ST6GALNAC6: variants seen among roughly 807,000 people sequenced by gnomAD.
The protein encoded by ST6GALNAC6 is alpha-N-acetylgalactosaminide alpha-2,6-sialyltransferase 6.
A neutral mutation model predicts 34.3 loss-of-function variants in ST6GALNAC6; 19 were observed. The ratio of observed to expected loss-of-function variants is 0.55; its 90% confidence interval spans 0.39 to 0.81. The LOEUF (loss-of-function observed/expected upper bound fraction) is 0.81, where lower values mean the gene tolerates loss of function less well. Among genes scored for constraint, ST6GALNAC6 ranks in the 40% least tolerant of loss-of-function variants. The pLI is 0.00. For synonymous variants in ST6GALNAC6, 185 were observed against 182.1 expected (o/e 1.02, Z -0.13); for missense variants, 377 against 467.7 (o/e 0.81, Z 1.79).
At chr9:127,902,469 T>G (rs1042305974), upstream of ST6GALNAC6, among the ~76,000 whole-genome samples, 3 of 152,104 alleles carry the variant, frequency 2.0e-5, no homozygotes, top group Non-Finnish European at 2.9e-5. Context: ...CAGTGTTTAG[T>G]GTTAATAGTG....
At chr9:127,905,573 C>A (rs979942834), upstream of ST6GALNAC6, 4 of 353,980 alleles carry the variant, frequency 1.1e-5, no homozygotes. Flanking sequence ...CCTTGGACAC[C>A]CAGGATGAGG....
chr9:127,887,667 G>A, intron 5 of ST6GALNAC6, 76 bp from the exon 6 acceptor site: 2 of 1,194,746 alleles, frequency 1.7e-6, no homozygotes, highest in Non-Finnish European at 2.4e-6. Flanking sequence ...TCACCCACGT[G>A]GAGTTCCCTG....
intron 4 of ST6GALNAC6, 54 bp downstream of exon 4, chr9:127,894,458 A>G: frequency 6.3e-7 from 1 of 1,593,324 alleles, no homozygotes; most frequent in East Asian, 2.2e-5. Context: ...GAACAGGTGG[A>G]GGGAGTGGTG....
chr9:127,902,429 G>A (rs772231783), upstream of ST6GALNAC6, among the ~76,000 whole-genome samples: 56 of 152,182 alleles, frequency 3.7e-4, no homozygotes, highest in Middle Eastern at 3.4e-3. Flanking sequence ...CAAAGTGCTG[G>A]GATTACAGGT....
intron 4 of ST6GALNAC6, among the ~76,000 whole-genome samples, chr9:127,891,769 C>G (rs1423210774): frequency 2.2e-5 from 2 of 89,808 alleles, no homozygotes; most frequent in Non-Finnish European, 4.3e-5. Context: ...GGGGAGGGGA[C>G]AGAGAGGGGG....
rs1040717654 is a variant in ST6GALNAC6 at position 127,886,361 on chromosome 9, G to A, written c.*238C>T. 7.2e-6 allele frequency: 9 copies of A among 1,252,252 alleles called. No individual in the cohort carries two copies. Among genetic ancestry groups the A allele is most frequent in the South Asian group, 3.2e-5 (2 of 62,174 alleles). The allele number at this position is 1,252,252 out of a possible 1,614,324, so 77.6% of individuals were successfully genotyped here. ...CCCCCTCTACCCTGATTGACTGTGC[G>A]CAGACCCTGACTGCACAAGAAAGAC... On this transcript the variant is annotated 3_prime_UTR_variant, in exon 7 of 7. Coordinates refer to ENST00000373146, the MANE Select transcript of ST6GALNAC6 (RefSeq NM_013443.5).
In ST6GALNAC6 at chr9:127,898,976, G is replaced by A. The variant is rs1021241893; in HGVS notation, c.-30+527C>T. On this transcript the variant is annotated intron_variant, in intron 1 of 6. Coordinates refer to ENST00000373146, the MANE Select transcript of ST6GALNAC6 (RefSeq NM_013443.5). Reference sequence around the variant, plus strand: ...GCTGGACGTGCAGGCGAGCTGAGCGGGAGCCGAGGGTGGGGGCCACACCCT... The same window carrying A: ...GCTGGACGTGCAGGCGAGCTGAGCGAGAGCCGAGGGTGGGGGCCACACCCT... Among the ~76,000 whole-genome samples the A allele has an allele frequency of 2.6e-5, 4 of 152,246 alleles. No individual in the cohort carries two copies. The East Asian group carries it at 5.8e-4, about 22-fold the overall frequency.
At chr9:127,899,403 C>A in intron 1 of ST6GALNAC6, 100 bp downstream of exon 1, 1 of 659,478 alleles carries the variant, frequency 1.5e-6, no homozygotes, top group Non-Finnish European at 1.9e-6. Context: ...CATCCATCCC[C>A]ATCCCCGGCG....
rs201769800 is a variant in ST6GALNAC6, at chr9:127,891,070, T to C, written c.298-27A>G. The C allele has an allele frequency of 1.9e-6, 3 of 1,608,964 alleles. 1 individual carries two copies. Among genetic ancestry groups the C allele is most frequent in the Non-Finnish European group, 2.5e-6 (3 of 1,177,380 alleles). On this transcript the variant is annotated intron_variant, in intron 4 of 6. Transcript: ENST00000373146. ...TGGTGGATAAGGAAAGTCAACATTA[T>C]CACGGCCACTCTGTGCTGGCCCTGT...
intron 1 of ST6GALNAC6, 118 bp downstream of exon 1, chr9:127,899,385 G>A (rs1289780779): frequency 1.8e-6 from 1 of 565,602 alleles, no homozygotes; most frequent in African/African-American, 2.0e-5. Context: ...GTGCCGCCGG[G>A]GGACCCGCAT....
intron 4 of ST6GALNAC6, among the ~76,000 whole-genome samples, chr9:127,894,199 T>C (rs2131535313): frequency 6.6e-6 from 1 of 152,292 alleles, no homozygotes; most frequent in Admixed American, 6.5e-5. Context: ...TTGTCAAATG[T>C]CCCAGTGCTC....
chr9:127,886,910 G>A (rs1038508983), intron 6 of ST6GALNAC6, 122 bp from the exon 7 acceptor site: 1 of 1,012,494 alleles, frequency 9.9e-7, no homozygotes, highest in Non-Finnish European at 1.4e-6. Flanking sequence ...CTGGGGCCTC[G>A]GTTTCCCCAT....
intron 4 of ST6GALNAC6, 149 bp downstream of exon 4, chr9:127,894,363 T>TTGCTG (rs1215135281): frequency 1.5e-4 from 143 of 977,682 alleles, no homozygotes; most frequent in Middle Eastern, 3.3e-4. Flanking sequence ...GGCAGCGCAC[T>TTGCTG]TATCCAAGGT....
intron 2 of ST6GALNAC6, chr9:127,897,524 G>A (rs1351315144): frequency 2.5e-6 from 2 of 812,570 alleles, no homozygotes; most frequent in Non-Finnish European, 3.0e-6. Context: ...CCCTCATCCG[G>A]AGCTCGGCTT....
upstream of ST6GALNAC6, among the ~76,000 whole-genome samples, chr9:127,902,706 A>G (rs985235837): frequency 2.0e-5 from 3 of 150,442 alleles, no homozygotes; most frequent in Admixed American, 2.0e-4. Context: ...CTCCTGCTTC[A>G]GCCTCCTGAG....
chr9:127,892,213 T>A (rs985111947), intron 4 of ST6GALNAC6, among the ~76,000 whole-genome samples: 2 of 152,150 alleles, frequency 1.3e-5, no homozygotes, highest in Non-Finnish European at 2.9e-5. Flanking sequence ...ACTGACTCCA[T>A]CCTGTTTCTG....
At chr9:127,900,991 CAAAAAAAAA>C (rs56673204), upstream of ST6GALNAC6, among the ~76,000 whole-genome samples, 5 of 61,006 alleles carry the variant, frequency 8.2e-5, no homozygotes, top group East Asian at 1.2e-3. Flanking sequence ...AACTCCCTAT[CAAAAAAAAA>C]AAAAAAAAAA....
intron 2 of ST6GALNAC6, among the ~76,000 whole-genome samples, chr9:127,896,642 C>T (rs570558993): frequency 1.3e-3 from 201 of 152,290 alleles, no homozygotes; most frequent in African/African-American, 4.1e-3. Context: ...CAGTAGGAGC[C>T]CCATTCACAC....
intron 5 of ST6GALNAC6, among the ~76,000 whole-genome samples, chr9:127,889,930 T>C (rs2131491927): frequency 6.6e-6 from 1 of 152,238 alleles, no homozygotes; most frequent in South Asian, 2.1e-4. Context: ...CTTTTACTAC[T>C]TTTTTTCTTA....
Sources: gnomAD v4.1 joint callset for allele counts (sites outside exome capture counted in the v4.1 genomes callset) on GRCh38, gnomAD v4.1.1 for gene constraint, MANE v1.5 for transcripts, NCBI Gene and HGNC (gene_info 2026-07-23, HGNC 2026-07-21) for gene names.